TTC12: variants seen among roughly 807,000 people sequenced by gnomAD.
The protein encoded by TTC12 is tetratricopeptide repeat domain 12, also known as tetratricopeptide repeat protein 12.
TTC12 carries 70 observed loss-of-function variants against 90.1 expected under a neutral mutation model. The observed-to-expected ratio is 0.78, with a 90% CI of 0.64 to 0.95. The LOEUF is 0.95. TTC12 is among the 40% of genes least tolerant of loss of function. The probability of loss-of-function intolerance (pLI) is 0.00; values close to 1 mark genes in which losing one functional copy is unlikely to be tolerated. For missense variants in TTC12, 819 were observed against 846.1 expected (o/e 0.97, Z 0.40); for synonymous variants, 296 against 311.5 (o/e 0.95, Z 0.53).
intron 17 of TTC12, 37 bp downstream of exon 17, chr11:113,359,498 A>G (rs761579269): frequency 7.3e-7 from 1 of 1,366,490 alleles, no homozygotes; most frequent in Non-Finnish European, 1.0e-6. Flanking sequence ...GAGCCCTGGG[A>G]CAACCTGTAC....
chr11:113,331,142 A>G (rs975612545), intron 7 of TTC12, among the ~76,000 whole-genome samples: 3 of 152,222 alleles, frequency 2.0e-5, no homozygotes, highest in Non-Finnish European at 4.4e-5. Context: ...CAATTTCTTT[A>G]TCCCTTAGAA....
In TTC12 at chr11:113,359,933, G is replaced by A. The variant is rs1354330222; in HGVS notation, c.1546-7G>A. On this transcript the variant is annotated splice_region_variant and splice_polypyrimidine_tract_variant and intron_variant, in intron 17 of 21. Coordinates refer to ENST00000529221, the MANE Select transcript of TTC12 (RefSeq NM_017868.4). ...AATCTCCTGCTGGCCTCTCCCCATT[G>A]TTGTAGGTTTGGGCTGTGGAGGTGA... The A allele has an allele frequency of 1.3e-6, 2 of 1,590,746 alleles. No homozygotes were observed. The highest frequency in any genetic ancestry group is 1.7e-6 in the Non-Finnish European group (2 of 1,168,372).
downstream of TTC12, among the ~76,000 whole-genome samples, chr11:113,367,501 T>G (rs7130431): frequency 0.68 from 103,603 of 152,104 alleles, 35,676 homozygotes; most frequent in African/African-American, 0.76. Context: ...TATGACGTCA[T>G]TTGGGTTAAG....
intron 2 of TTC12, among the ~76,000 whole-genome samples, chr11:113,320,171 A>G (rs1947215562): frequency 6.6e-6 from 1 of 152,142 alleles, no homozygotes; most frequent in African/African-American, 2.4e-5. Flanking sequence ...AGATGGGAAT[A>G]GTGGATAGAA....
At chr11:113,338,693 C>G in intron 8 of TTC12, 81 bp from the exon 9 acceptor site, 1 of 1,088,660 alleles carries the variant, frequency 9.2e-7, no homozygotes, top group Non-Finnish European at 1.4e-6. Context: ...AATGAAGCAG[C>G]CAAGCCCAAT....
Position 113,363,874 on chromosome 11 carries a change from T to C in TTC12, c.1763T>C (p.Ile588Thr), listed in dbSNP as rs768771925. 1.2e-6 allele frequency: 2 copies of C among 1,613,964 alleles called. No individual in the cohort carries two copies. Among genetic ancestry groups the C allele is most frequent in the Admixed American group, 3.3e-5 (2 of 60,022 alleles). Residue 588 changes from isoleucine (I) to threonine (T), a missense_variant, in exon 20 of 22, where the codon ATC (isoleucine) becomes ACC (threonine). By Grantham distance (89) the Ile-to-Thr change is moderately conservative. Transcript: ENST00000529221. ...CGTTATGCTATAAAGATACTAGCTATCTGCACGAATAGTTATCATGAAGCT... is the reference window on the plus strand; with the variant it reads ...CGTTATGCTATAAAGATACTAGCTACCTGCACGAATAGTTATCATGAAGCT... ...ASRYAIKILA[I>T]CTNSYHEARE...
chr11:113,335,909 A>G (rs909347941), intron 8 of TTC12, among the ~76,000 whole-genome samples: 7 of 151,968 alleles, frequency 4.6e-5, no homozygotes, highest in Admixed American at 6.6e-5. Context: ...TTTCTTTTTT[A>G]TGTTTACAGT....
At chr11:113,321,024 A>AT (rs1274962445) in intron 2 of TTC12, among the ~76,000 whole-genome samples, 4 of 152,178 alleles carry the variant, frequency 2.6e-5, no homozygotes, top group African/African-American at 9.7e-5. Flanking sequence ...AAAAAAAAGA[A>AT]TTTTTTAAAA....
intron 2 of TTC12, among the ~76,000 whole-genome samples, chr11:113,320,511 C>A (rs1947244629): frequency 6.6e-6 from 1 of 152,176 alleles, no homozygotes; most frequent in Admixed American, 6.5e-5. Context: ...CCCCTCCATT[C>A]CCCCTTCCAG....
intron 2 of TTC12, among the ~76,000 whole-genome samples, chr11:113,321,282 G>A (rs1947316794): frequency 6.6e-6 from 1 of 152,126 alleles, no homozygotes; most frequent in South Asian, 2.1e-4. Context: ...ACTTCCTCTT[G>A]TACTCTTTTG....
chr11:113,350,732 A>G (rs770160561), intron 14 of TTC12, among the ~76,000 whole-genome samples: 6 of 152,078 alleles, frequency 3.9e-5, no homozygotes, highest in Non-Finnish European at 4.4e-5. Context: ...AAATTTCCTC[A>G]CAAATTTTAG....
Position 113,339,321 on chromosome 11 carries a change from G to A in TTC12, c.673G>A (p.Asp225Asn). The A allele has an allele frequency of 6.2e-7, 1 of 1,609,686 alleles. No homozygotes were observed. The highest frequency in any genetic ancestry group is 8.5e-7 in the Non-Finnish European group (1 of 1,178,894). The change falls in exon 10 of 22, where the codon GAC becomes AAC. Residue 225 changes from aspartate (D) to asparagine (N), a missense_variant. Physicochemically the swap from Asp to Asn is conservative, Grantham distance 23. Coordinates refer to ENST00000529221, the MANE Select transcript of TTC12 (RefSeq NM_017868.4). Reference protein sequence around the residue: ...LNQVDLQEKADLQEKEAHELL... With the variant: ...LNQVDLQEKANLQEKEAHELL... Reference sequence around the variant, plus strand: ...TCAAGTAGATCTTCAGGAAAAAGCAGACCTTCAAGAAAAGGAAGCCCACGA... The same window carrying A: ...TCAAGTAGATCTTCAGGAAAAAGCAAACCTTCAAGAAAAGGAAGCCCACGA...
chr11:113,317,758 A>T (rs1348021317), intron 2 of TTC12, among the ~76,000 whole-genome samples: 1 of 151,984 alleles, frequency 6.6e-6, no homozygotes, highest in African/African-American at 2.4e-5. Context: ...TCTGTGTTTC[A>T]CACTCTGCAC....
At chr11:113,368,116 C>A (rs1950271749), downstream of TTC12, 1 of 1,233,760 alleles carries the variant, frequency 8.1e-7, no homozygotes, top group African/African-American at 1.5e-5. Flanking sequence ...TTGAAAATGG[C>A]TATGATAGGT....
At chr11:113,363,991 A>G in intron 20 of TTC12, 64 bp downstream of exon 20, 1 of 1,157,414 alleles carries the variant, frequency 8.6e-7, no homozygotes, top group Non-Finnish European at 1.3e-6. Flanking sequence ...GAAGCTGCAA[A>G]GGGAACTGTG....
intron 6 of TTC12, among the ~76,000 whole-genome samples, chr11:113,327,774 T>G (rs1276506609): frequency 6.6e-6 from 1 of 152,196 alleles, no homozygotes; most frequent in African/African-American, 2.4e-5. Context: ...CAGCTTCCTC[T>G]TCACATCCTC....
intron 16 of TTC12, among the ~76,000 whole-genome samples, chr11:113,356,484 G>T (rs547474252): frequency 6.6e-6 from 1 of 152,156 alleles, no homozygotes; most frequent in African/African-American, 2.4e-5. Context: ...TCCCATCATC[G>T]TGATATTAGA....
chr11:113,338,789 A>G lies in TTC12; in HGVS notation c.592A>G (p.Lys198Glu). ...KNYSVSRECY[K>E]KILEINPKLQ... ...TTTTTTCCAGTCTAGAGAGTGTTAT[A>G]AGAAGATCTTAGAAATAAACCCCAA... The change falls in exon 9 of 22, where the codon AAG (lysine) becomes GAG (glutamate). Residue 198 changes from lysine (K) to glutamate (E), a missense_variant. Lys to Glu is a moderately conservative substitution (Grantham distance 56, BLOSUM62 1). Transcript: ENST00000529221. The G allele has an allele frequency of 6.2e-7, 1 of 1,613,928 alleles. No homozygotes were observed. The highest frequency in any genetic ancestry group is 8.5e-7 in the Non-Finnish European group (1 of 1,179,816).
At chr11:113,363,782 A>G in intron 19 of TTC12, 46 bp from the exon 20 acceptor site, 1 of 1,353,078 alleles carries the variant, frequency 7.4e-7, no homozygotes, top group Non-Finnish European at 1.1e-6. Context: ...GGTCAAGAGC[A>G]ATCATAGCAC....
Sources: gnomAD v4.1 joint callset for allele counts (sites outside exome capture counted in the v4.1 genomes callset) on GRCh38, gnomAD v4.1.1 for gene constraint, MANE v1.5 for transcripts, NCBI Gene and HGNC (gene_info 2026-07-23, HGNC 2026-07-21) for gene names.